The following BIRC6 variants were observed in gnomAD, a reference collection of about 807,000 sequenced individuals.
The protein encoded by BIRC6 is dual E2 ubiquitin-conjugating enzyme/E3 ubiquitin-protein ligase BIRC6.
In BIRC6, 98 loss-of-function variants were observed where a neutral mutation model predicts 503.3. That is an observed-to-expected ratio of 0.19 (90% CI 0.17 to 0.23). The LOEUF (loss-of-function observed/expected upper bound fraction) is 0.23. Ranked by LOEUF, BIRC6 falls within the 10% of genes least tolerant of loss-of-function variation. BIRC6 has a pLI of 1.00. For missense variants in BIRC6, 5,360 were observed against 5,806.0 expected, an observed-to-expected ratio of 0.92 and a Z score of 2.50; for synonymous variants, 2,240 against 2,078.7, an observed-to-expected ratio of 1.08 and a Z score of -2.11.
At chr2:32,523,875 G>A (rs2056001608) in intron 57 of BIRC6, among the ~76,000 whole-genome samples, 1 of 152,038 alleles carries the variant, frequency 6.6e-6, no homozygotes, top group Non-Finnish European at 1.5e-5. Context: ...ACAACATGGC[G>A]AAACCTCGTC....
chr2:32,593,363 A>G (rs568235857), intron 66 of BIRC6, among the ~76,000 whole-genome samples: 2 of 152,324 alleles, frequency 1.3e-5, no homozygotes, highest in South Asian at 2.1e-4. Flanking sequence ...GAAATTGGGT[A>G]CATTTTAGAT....
intron 23 of BIRC6, among the ~76,000 whole-genome samples, chr2:32,457,372 C>G (rs1372721364): frequency 6.6e-6 from 1 of 152,036 alleles, no homozygotes; most frequent in African/African-American, 2.4e-5. Flanking sequence ...TATTCTATTT[C>G]TCATTGTCCT....
At position 32,357,625 on chromosome 2, in the gene BIRC6, C is replaced by G; in HGVS notation, c.325+139C>G. Reference sequence around the variant, plus strand: ...TCGGGCCCAGCCGTGAAGGGAGGCCCGGAAGCTGATGGAGGGGGACCTTAG... The same window carrying G: ...TCGGGCCCAGCCGTGAAGGGAGGCCGGGAAGCTGATGGAGGGGGACCTTAG... On this transcript the variant is annotated intron_variant, in intron 1 of 73. Transcript: ENST00000421745. This position sits in a 1 kb window ranked among gnomAD's most constrained non-coding sequence, Gnocchi z 4.9. 1.4e-6 allele frequency: 2 copies of G among 1,408,624 alleles called. No homozygotes were observed. Among genetic ancestry groups the G allele is most frequent in the Non-Finnish European group, 1.9e-6 (2 of 1,079,690 alleles). 87.3% of individuals were successfully genotyped at this position (1,408,624 alleles called of 1,614,324 possible). A position where few individuals can be genotyped will look rare whatever the true frequency, so the allele number is the denominator to read the frequency against.
rs767406605 is a variant in BIRC6, at chr2:32,487,652, C to G, written c.7819C>G (p.Gln2607Glu). The G allele has an allele frequency of 3.7e-6, 6 of 1,613,054 alleles. No individual in the cohort carries two copies. The South Asian group carries it at 6.6e-5, about 18-fold the overall frequency. The change falls in exon 41 of 74, where the codon CAG becomes GAG. Residue 2607 changes from glutamine to glutamate, a missense_variant. Coordinates refer to ENST00000421745, the MANE Select transcript of BIRC6 (RefSeq NM_016252.4). ...ALTNTSPTLS[Q>E]SPTGTDDSLL... ...TACTTGTGTTTAATTTTCAGTATCA[C>G]AGTCTCCCACTGGAACAGATGATTC... is the stretch of plus-strand genomic sequence containing the variant.
In BIRC6 at chr2:32,617,913, G is replaced by A. The variant is rs770496338; in HGVS notation, c.*9G>A. On this transcript the variant is annotated 3_prime_UTR_variant, in exon 74 of 74. Transcript: ENST00000421745. The stretch of plus-strand genomic sequence containing the variant: ...GTGACTTCCAGTTATGAGCTGCATT[G>A]ATGTGGACTTCATAGACACAAAGGC... 6 of 1,603,896 alleles carry A rather than the reference G, an allele frequency of 3.7e-6. No individual in the cohort carries two copies. The highest frequency in any genetic ancestry group is 5.1e-6 in the Non-Finnish European group (6 of 1,172,530).
In BIRC6 at chr2:32,433,782, T is replaced by C; in HGVS notation, c.3387T>C (p.Ala1129=). 6.3e-7 allele frequency: 1 copy of C among 1,576,500 alleles called. No individual in the cohort carries two copies. The change falls in exon 13 of 74, where the codon GCT becomes GCC. Residue 1129 remains alanine (A), a synonymous_variant. Coordinates refer to ENST00000421745, the MANE Select transcript of BIRC6 (RefSeq NM_016252.4). The part of the protein sequence containing the change: ...QIQVTLLKNK[A]PGLGKVNALN... The stretch of plus-strand genomic sequence containing the variant: ...AAGTGACACTGCTGAAAAATAAAGC[T>C]CCAGGATTAGGGAAAGTCAATGGTA...
chr2:32,373,576 A>T (rs988637806), intron 1 of BIRC6, among the ~76,000 whole-genome samples: 1 of 152,204 alleles, frequency 6.6e-6, no homozygotes, highest in Admixed American at 6.5e-5. Context: ...TACAAAATAC[A>T]ACAACGGAGA....
chr2:32,361,693 C>T (rs1430756060), intron 1 of BIRC6, among the ~76,000 whole-genome samples: 1 of 152,098 alleles, frequency 6.6e-6, no homozygotes, highest in Non-Finnish European at 1.5e-5. Flanking sequence ...TTCCTTTTCC[C>T]CCCAACTGTT....
At chr2:32,593,756 C>T (rs62136346) in intron 66 of BIRC6, among the ~76,000 whole-genome samples, 159 bp from the exon 67 acceptor site, 2,746 of 152,132 alleles carry the variant, frequency 0.018, 43 homozygotes, top group Non-Finnish European at 0.026. Flanking sequence ...GAAAACCTAC[C>T]CATAACTTTA....
chr2:32,616,560 CAAAAAAA>C (rs201587938), intron 73 of BIRC6, among the ~76,000 whole-genome samples: 25,039 of 99,654 alleles, frequency 0.25, 2,781 homozygotes, highest in East Asian at 0.57. Flanking sequence ...ACCTTGTTCT[CAAAAAAA>C]AAAAAAAAAA....
At chr2:32,615,025 CTGTAGA>C (rs1572421649) in intron 73 of BIRC6, among the ~76,000 whole-genome samples, 1 of 152,172 alleles carries the variant, frequency 6.6e-6, no homozygotes, top group African/African-American at 2.4e-5. Context: ...TACTCTGCTT[CTGTAGA>C]GGCCTCAAGG....
intron 65 of BIRC6, among the ~76,000 whole-genome samples, chr2:32,553,865 TAAAG>T (rs1183183443): frequency 1.3e-5 from 2 of 152,220 alleles, no homozygotes; most frequent in African/African-American, 4.8e-5. Context: ...CTTACTAAAA[TAAAG>T]ACATCTGTTA....
At chr2:32,587,505 A>G (rs1214582326) in intron 66 of BIRC6, among the ~76,000 whole-genome samples, 1 of 152,232 alleles carries the variant, frequency 6.6e-6, no homozygotes, top group Non-Finnish European at 1.5e-5. Context: ...TGGCAGGCCA[A>G]GGCAGGTGGA....
chr2:32,419,706 T>A (rs1486514590), intron 10 of BIRC6, among the ~76,000 whole-genome samples: 1 of 152,162 alleles, frequency 6.6e-6, no homozygotes, highest in Non-Finnish European at 1.5e-5. Flanking sequence ...TGAATATAAA[T>A]ATGACCCCAA....
In BIRC6 at chr2:32,415,600, A is replaced by G. The variant is rs747258326; in HGVS notation, c.2309A>G (p.Asn770Ser). 6.2e-7 allele frequency: 1 copy of G among 1,613,870 alleles called. No homozygotes were observed. The highest frequency in any genetic ancestry group is 1.3e-5 in the African/African-American group (1 of 75,046). ...CAAGTAGAGGCCTTGAATAATTTAA[A>G]TAAATTAAACTCTGCACTATGTAAT... ...INQVEALNNL[N>S]KLNSALCNRR... The change falls in exon 10 of 74, where the codon AAT (asparagine) becomes AGT (serine). Residue 770 changes from asparagine (N) to serine (S), a missense_variant. Around this residue, in one of 16 missense-constraint regions of BIRC6, gnomAD observed 700 missense variants for 739.3 expected, o/e 0.95. Coordinates refer to ENST00000421745, the MANE Select transcript of BIRC6 (RefSeq NM_016252.4).
chr2:32,376,364 T>A (rs1268062294), intron 1 of BIRC6, among the ~76,000 whole-genome samples: 1 of 152,160 alleles, frequency 6.6e-6, no homozygotes, highest in Non-Finnish European at 1.5e-5. Context: ...TTTTATAATA[T>A]GTACTACAGC....
rs2056723777 is a variant in BIRC6 at position 32,531,217 on chromosome 2, A to C, written c.12095-138A>C. The C allele has an allele frequency of 8.9e-6, 6 of 677,844 alleles. No individual in the cohort carries two copies. The East Asian group carries it at 1.4e-4, about 16-fold the overall frequency. 42.0% of individuals were successfully genotyped at this position (677,844 alleles called of 1,614,324 possible). ...TCATTGTACCGTCTAGCCATAATAC[A>C]GCTATATCTAAATAAATGATGTTTT... On this transcript the variant is annotated intron_variant, in intron 60 of 73. Coordinates refer to ENST00000421745, the MANE Select transcript of BIRC6 (RefSeq NM_016252.4).
At chr2:32,567,454 T>C (rs2059612984) in intron 65 of BIRC6, among the ~76,000 whole-genome samples, 1 of 152,240 alleles carries the variant, frequency 6.6e-6, no homozygotes, top group Non-Finnish European at 1.5e-5. Context: ...CATTAAGGAC[T>C]TGTGTGGCTA....
At position 32,469,375 on chromosome 2, in the gene BIRC6, T is replaced by C; in HGVS notation, c.6128-20T>C. The C allele has an allele frequency of 6.3e-7, 1 of 1,581,936 alleles. No homozygotes were observed. Among genetic ancestry groups the C allele is most frequent in the Non-Finnish European group, 8.6e-7 (1 of 1,160,652 alleles). On this transcript the variant is annotated intron_variant, in intron 29 of 73. Coordinates refer to ENST00000421745, the MANE Select transcript of BIRC6 (RefSeq NM_016252.4). ...AATACATTTAAATAGGAAAGTTTAC[T>C]GTTTTCTTTCTTGTAATAGGACACT...
Sources: gnomAD v4.1 joint callset for allele counts (sites outside exome capture counted in the v4.1 genomes callset) on GRCh38, gnomAD v4.1.1 for gene constraint, gnomAD v4.1.1 regional missense constraint, Gnocchi (gnomAD v3.1) non-coding constraint, MANE v1.5 for transcripts, NCBI Gene and HGNC (gene_info 2026-07-23, HGNC 2026-07-21) for gene names.